Variants in IVNS1ABP observed in about 807,000 individuals in gnomAD.
IVNS1ABP encodes influenza virus NS1A binding protein.
IVNS1ABP carries 25 observed loss-of-function variants against 78.9 expected under a neutral mutation model. The ratio of observed to expected loss-of-function variants is 0.32; its 90% CI spans 0.23 to 0.44. The LOEUF is 0.44. IVNS1ABP is among the 20% of genes least tolerant of loss of function. IVNS1ABP has a pLI of 1.00. For missense variants in IVNS1ABP, 494 were observed against 768.9 expected, an observed-to-expected ratio of 0.64 and a Z score of 4.23; for synonymous variants, 241 against 259.7, an observed-to-expected ratio of 0.93 and a Z score of 0.69.
Position 185,306,978 on chromosome 1 carries a change from TA to T in IVNS1ABP, c.657+35del, listed in dbSNP as rs758412093. ...CTTCATGTTATAGCAAAATAATTTT[TA>T]AAAATGGTTGAATCCCATTTACTTT... On this transcript the variant is annotated intron_variant, in intron 7 of 14. Transcript: ENST00000367498. The T allele has an allele frequency of 9.4e-6, 15 of 1,601,930 alleles. No homozygotes were observed. The South Asian group carries it at 1.6e-4, about 17-fold the overall frequency.
intron 12 of IVNS1ABP, 28 bp downstream of exon 12, chr1:185,300,189 G>T (rs904521654): frequency 1.2e-6 from 2 of 1,608,712 alleles, no homozygotes; most frequent in African/African-American, 1.3e-5. Context: ...TTTAAATACT[G>T]GATATCTCAG....
intron 5 of IVNS1ABP, chr1:185,308,002 A>T (rs1173405404): frequency 6.5e-7 from 1 of 1,549,924 alleles, no homozygotes; most frequent in East Asian, 2.4e-5. Flanking sequence ...GAATGCAGAC[A>T]GAAGTAGAGA....
At chr1:185,303,788 G>A (rs1305748572) in intron 8 of IVNS1ABP, among the ~76,000 whole-genome samples, 1 of 152,040 alleles carries the variant, frequency 6.6e-6, no homozygotes, top group Admixed American at 6.6e-5. Flanking sequence ...AAAATAGGAA[G>A]GGTCCAAGGC....
rs1258425107 is a variant in IVNS1ABP, at chr1:185,298,936, T to C, written c.1676-648A>G. The stretch of plus-strand genomic sequence containing the variant: ...ATGATTGTGGTACAGAAATTTCTTC[T>C]GGAAACAGAGTTATGATTATTTTCA... On this transcript the variant is annotated intron_variant, in intron 14 of 14. Coordinates refer to ENST00000367498, the MANE Select transcript of IVNS1ABP (RefSeq NM_006469.5). The surrounding 1 kb of genome is among the most constrained non-coding windows in gnomAD (Gnocchi z 4.1). 6.6e-6 allele frequency: 1 copy of C among 152,232 alleles called. No homozygotes were observed. The highest frequency in any genetic ancestry group is 1.9e-4 in the East Asian group (1 of 5,204). 9.4% of individuals were successfully genotyped at this position (152,232 alleles called of 1,614,324 possible).
intron 8 of IVNS1ABP, among the ~76,000 whole-genome samples, chr1:185,304,072 A>G (rs1296174576): frequency 2.6e-5 from 4 of 152,084 alleles, no homozygotes; most frequent in African/African-American, 7.2e-5. Context: ...TTTATCTGCT[A>G]TGCAGACTCC....
chr1:185,305,848 T>C lies in IVNS1ABP; in HGVS notation c.658-205A>G. ...ACAAAAACAAAAAACCAAAATCAAA[T>C]ACAAAATCTTCCAATACTGGCTGAA... On this transcript the variant is annotated intron_variant, in intron 7 of 14. Transcript: ENST00000367498. This position sits in a 1 kb window ranked among gnomAD's most constrained non-coding sequence, Gnocchi z 4.0. 1.9e-6 allele frequency: 1 copy of C among 528,182 alleles called. No individual in the cohort carries two copies. Among genetic ancestry groups the C allele is most frequent in the East Asian group, 3.2e-5 (1 of 31,740 alleles). 32.7% of individuals were successfully genotyped at this position (528,182 alleles called of 1,614,324 possible).
rs770218826 is a variant in IVNS1ABP, at chr1:185,299,720, A to T, written c.1665T>A (p.Ala555=). Residue 555 remains alanine (A), a synonymous_variant, in exon 14 of 15, where the codon GCT becomes GCA. Transcript: ENST00000367498. ...MNVARRGAGV[A]VLNGKLFVCG... The stretch of plus-strand genomic sequence containing the variant: ...AATCCCAACACTCACCATTAAGAAC[A>T]GCCACTCCAGCTCCTCGCCTAGCCA... 5.6e-6 allele frequency: 9 copies of T among 1,613,680 alleles called. No individual in the cohort carries two copies. Among genetic ancestry groups the T allele is most frequent in the Non-Finnish European group, 7.6e-6 (9 of 1,179,716 alleles).
At chr1:185,309,332 T>G (rs1189873390) in intron 3 of IVNS1ABP, 51 bp downstream of exon 3, 1 of 1,334,914 alleles carries the variant, frequency 7.5e-7, no homozygotes, top group Middle Eastern at 1.9e-4. Context: ...TAAGAACTTA[T>G]GGCTTTTAGT....
chr1:185,301,514 G>T lies in IVNS1ABP; in HGVS notation c.815C>A (p.Thr272Asn). The T allele has an allele frequency of 5.6e-6, 9 of 1,613,142 alleles. No individual in the cohort carries two copies. The highest frequency in any genetic ancestry group is 7.6e-6 in the Non-Finnish European group (9 of 1,179,332). Residue 272 changes from threonine to asparagine, a missense_variant, in exon 9 of 15, where the codon ACT becomes AAT. Physicochemically the swap from Thr to Asn is moderately conservative, Grantham distance 65. Transcript: ENST00000367498. ...NGHKQISSSS[T>N]GCLSSPNATV... is the part of the protein sequence containing the mutation. ...AGCATTTGGAGAAGAGAGACATCCAGTTGAACTGCTACTTATCTGCTTATG... is the reference window on the plus strand; with the variant it reads ...AGCATTTGGAGAAGAGAGACATCCATTTGAACTGCTACTTATCTGCTTATG...
Position 185,305,918 on chromosome 1 carries a change from A to G in IVNS1ABP, c.658-275T>C, listed in dbSNP as rs1278405277. 1.3e-5 allele frequency: 5 copies of G among 379,716 alleles called. No individual in the cohort carries two copies. In the East Asian group the frequency reaches 1.9e-4, roughly 14 times the overall value. The allele number at this position is 379,716 out of a possible 1,614,324, so 23.5% of individuals were successfully genotyped here. A position where few individuals can be genotyped will look rare whatever the true frequency, so the allele number is the denominator to read the frequency against. On this transcript the variant is annotated intron_variant, in intron 7 of 14. Coordinates refer to ENST00000367498, the MANE Select transcript of IVNS1ABP (RefSeq NM_006469.5). The surrounding 1 kb of genome is among the most constrained non-coding windows in gnomAD (Gnocchi z 4.0). ...CTTGAAAGAAATCTTCATTTTTTTC[A>G]TAGCTTCTATCATATAACAGTAAGA...
chr1:185,313,904 TA>T (rs769849573), intron 1 of IVNS1ABP, among the ~76,000 whole-genome samples: 5 of 152,202 alleles, frequency 3.3e-5, no homozygotes, highest in Admixed American at 6.5e-5. Context: ...AATGAGTAAT[TA>T]AACTGCTTTA....
At chr1:185,315,250 G>C (rs896443150) in intron 1 of IVNS1ABP, among the ~76,000 whole-genome samples, 16 of 152,070 alleles carry the variant, frequency 1.1e-4, no homozygotes, top group African/African-American at 3.4e-4. Flanking sequence ...ATTTAAAAAC[G>C]TATTTGCAAA....
chr1:185,298,509 T>C lies in IVNS1ABP; in HGVS notation c.1676-221A>G. ...ATTCCCACGTGGAACTTAGGCAACT[T>C]AAAAGGGGGAGGGAGAGGAAGCAGT... On this transcript the variant is annotated intron_variant, in intron 14 of 14. Transcript: ENST00000367498. This position sits in a 1 kb window ranked among gnomAD's most constrained non-coding sequence, Gnocchi z 4.1. 2 of 539,256 alleles carry C rather than the reference T, an allele frequency of 3.7e-6. No individual in the cohort carries two copies. Among genetic ancestry groups the C allele is most frequent in the Non-Finnish European group, 6.5e-6 (2 of 308,718 alleles). The allele number at this position is 539,256 out of a possible 1,614,324, so 33.4% of individuals were successfully genotyped here.
Position 185,301,451 on chromosome 1 carries a change from G to A in IVNS1ABP, c.878C>T (p.Ala293Val), listed in dbSNP as rs761255618. 1.2e-6 allele frequency: 2 copies of A among 1,613,152 alleles called. No homozygotes were observed. The highest frequency in any genetic ancestry group is 1.1e-5 in the South Asian group (1 of 91,066). Residue 293 changes from alanine (A) to valine (V), a missense_variant, in exon 9 of 15, where the codon GCT (alanine) becomes GTT (valine). Ala to Val is a moderately conservative substitution (Grantham distance 64, BLOSUM62 0). Transcript: ENST00000367498. ...ATACTTACTTGAAGTCTTTTCTGAA[G>A]CAACGATTTTCCACTCATGCTTAGG... is the stretch of plus-strand genomic sequence containing the variant. ...QSPKHEWKIV[A>V]SEKTSNNTYL...
rs1666053782 is a variant in IVNS1ABP, at chr1:185,317,042, G to A, written c.-336C>T. ...CGGGCGGGAATCGGCCCAACGGAAA[G>A]CGCCAGAAGGCGGCGGAAGACGGGA... On this transcript the variant is annotated 5_prime_UTR_variant, in exon 1 of 15. Transcript: ENST00000367498. 1 of 399,046 alleles carries A rather than the reference G, an allele frequency of 2.5e-6. No individual in the cohort carries two copies. Among genetic ancestry groups the A allele is most frequent in the Non-Finnish European group, 4.4e-6 (1 of 226,432 alleles). 24.7% of individuals were successfully genotyped at this position (399,046 alleles called of 1,614,324 possible). A position where few individuals can be genotyped will look rare whatever the true frequency, so the allele number is the denominator to read the frequency against.
chr1:185,297,913 G>T lies in IVNS1ABP; in HGVS notation c.*122C>A, dbSNP rs1665461670. ...CAGCATGTTTAATAGTATGCAATAT[G>T]CAAAAGCTTTGTGTTGCTGTTAGCA... On this transcript the variant is annotated 3_prime_UTR_variant, in exon 15 of 15. Transcript: ENST00000367498. The T allele has an allele frequency of 1.1e-6, 1 of 913,442 alleles. No individual in the cohort carries two copies. The highest frequency in any genetic ancestry group is 1.7e-5 in the African/African-American group (1 of 60,006). 56.6% of individuals were successfully genotyped at this position (913,442 alleles called of 1,614,324 possible).
At chr1:185,307,341 G>A (rs918856404) in intron 6 of IVNS1ABP, 148 bp downstream of exon 6, 4 of 865,398 alleles carry the variant, frequency 4.6e-6, no homozygotes, top group South Asian at 1.8e-5. Flanking sequence ...AAACAAACTG[G>A]TAGGGAGAAA....
intron 5 of IVNS1ABP, 32 bp downstream of exon 5, chr1:185,308,768 A>G: frequency 6.7e-7 from 1 of 1,494,510 alleles, no homozygotes; most frequent in Non-Finnish European, 9.2e-7. Context: ...ATAAGACTCC[A>G]TAAATGATTT....
chr1:185,307,543 C>G lies in IVNS1ABP; in HGVS notation c.477G>C (p.Glu159Asp). 1.9e-6 allele frequency: 3 copies of G among 1,613,428 alleles called. No individual in the cohort carries two copies. Among genetic ancestry groups the G allele is most frequent in the Non-Finnish European group, 1.7e-6 (2 of 1,179,638 alleles). Residue 159 changes from glutamate (E) to aspartate (D), a missense_variant, in exon 6 of 15, where the codon GAG becomes GAC. Coordinates refer to ENST00000367498, the MANE Select transcript of IVNS1ABP (RefSeq NM_006469.5). The part of the protein sequence containing the change: ...LLNKVDAYIQ[E>D]HLLQISEEEE... ...CCTCTTCAGAAATTTGTAACAAATG[C>G]TCCTGAATATAAGCATCAACCTTAT...
Sources: gnomAD v4.1 joint callset for allele counts (sites outside exome capture counted in the v4.1 genomes callset) on GRCh38, gnomAD v4.1.1 for gene constraint, Gnocchi (gnomAD v3.1) non-coding constraint, MANE v1.5 for transcripts, NCBI Gene and HGNC (gene_info 2026-07-23, HGNC 2026-07-21) for gene names.